The following ATG10 variants were observed in gnomAD, a reference collection of about 807,000 sequenced individuals.
ATG10 encodes the protein ubiquitin-like-conjugating enzyme ATG10.
In ATG10, 30 loss-of-function variants were observed where a neutral mutation model predicts 32.1. The ratio of observed to expected loss-of-function variants is 0.94; its 90% CI spans 0.70 to 1.27. ATG10 has a LOEUF of 1.27. ATG10 is among the 50% of genes most tolerant of loss of function. The pLI is 0.00. For missense variants in ATG10, 233 were observed against 262.3 expected, an observed-to-expected ratio of 0.89 and a Z score of 0.77; for synonymous variants, 87 against 91.5, an observed-to-expected ratio of 0.95 and a Z score of 0.28.
At chr5:82,185,872 G>T (rs1349557633) in intron 5 of ATG10, among the ~76,000 whole-genome samples, 1 of 152,116 alleles carries the variant, frequency 6.6e-6, no homozygotes, top group African/African-American at 2.4e-5. Flanking sequence ...AGTCTCCCTG[G>T]AGTCTTTAGG....
chr5:82,133,276 A>G (rs1766613735), intron 3 of ATG10, among the ~76,000 whole-genome samples: 1 of 152,062 alleles, frequency 6.6e-6, no homozygotes, highest in African/African-American at 2.4e-5. Context: ...TTTTGTTGCC[A>G]TTGCTTTTGG....
At chr5:82,248,122 T>C (rs1581847791) in intron 5 of ATG10, among the ~76,000 whole-genome samples, 1 of 152,198 alleles carries the variant, frequency 6.6e-6, no homozygotes, top group African/African-American at 2.4e-5. Flanking sequence ...CAGGCCTTCT[T>C]GTGACTCCAC....
intron 3 of ATG10, among the ~76,000 whole-genome samples, chr5:82,084,587 G>A (rs1336173685): frequency 6.6e-6 from 1 of 152,152 alleles, no homozygotes; most frequent in Non-Finnish European, 1.5e-5. Context: ...AGAGAGAAAG[G>A]TCGGGTTACC....
intron 3 of ATG10, among the ~76,000 whole-genome samples, chr5:82,095,125 GA>G (rs1180925966): frequency 6.6e-6 from 1 of 151,992 alleles, no homozygotes; most frequent in Non-Finnish European, 1.5e-5. Flanking sequence ...TAACAGAAAA[GA>G]AATCTGTATA....
chr5:82,134,016 C>T (rs909280159), intron 3 of ATG10, among the ~76,000 whole-genome samples: 5 of 133,552 alleles, frequency 3.7e-5, no homozygotes, highest in African/African-American at 1.4e-4. Flanking sequence ...ATTTGGCTCT[C>T]TGTTTGTCTG....
chr5:82,219,376 C>G (rs546523882), intron 5 of ATG10, among the ~76,000 whole-genome samples: 101 of 152,296 alleles, frequency 6.6e-4, no homozygotes, highest in Non-Finnish European at 1.0e-3. Context: ...GATGGCGGTT[C>G]CACTGATTCC....
intron 2 of ATG10, among the ~76,000 whole-genome samples, chr5:82,008,422 A>G (rs951749744): frequency 5.3e-5 from 8 of 152,166 alleles, no homozygotes; most frequent in African/African-American, 1.9e-4. Context: ...ATTGAGTGTT[A>G]TGATTTGTCA....
At chr5:82,084,634 T>A (rs1255112699) in intron 3 of ATG10, among the ~76,000 whole-genome samples, 1 of 152,160 alleles carries the variant, frequency 6.6e-6, no homozygotes, top group African/African-American at 2.4e-5. Context: ...AGCGGATCTC[T>A]CGGCAGAAAC....
At chr5:82,080,147 G>C (rs1051321505) in intron 3 of ATG10, among the ~76,000 whole-genome samples, 2 of 152,092 alleles carry the variant, frequency 1.3e-5, no homozygotes, top group African/African-American at 4.8e-5. Context: ...TGTGTCTGTT[G>C]GCTGCATAAA....
At position 81,995,422 on chromosome 5, in the gene ATG10, C is replaced by T. The variant is rs563143810; in HGVS notation, c.108+7744C>T. Among the ~76,000 whole-genome samples the T allele has an allele frequency of 2.9e-4, 44 of 152,224 alleles. No individual in the cohort carries two copies. The South Asian group carries it at 7.5e-3, about 26-fold the overall frequency. The stretch of plus-strand genomic sequence containing the variant: ...CCTCCCAAAGTGTTGGGATTACAGG[C>T]GTGAGCCACCATGCCCAGCCTGAGT... On this transcript the variant is annotated intron_variant, in intron 2 of 7. Transcript: ENST00000282185.
chr5:82,234,978 C>G lies in ATG10; in HGVS notation c.454-17584C>G, dbSNP rs78810310. ...AGCCCATAGTATGTTTGTGCTGTTC[C>G]ACTTTAATTACGCCCATCAGTTCTT... On this transcript the variant is annotated intron_variant, in intron 5 of 7. Coordinates refer to ENST00000282185, the MANE Select transcript of ATG10 (RefSeq NM_031482.5). Among the ~76,000 whole-genome samples, 13 of 152,216 alleles carry G rather than the reference C, an allele frequency of 8.5e-5. No individual in the cohort carries two copies. In the East Asian group the frequency reaches 2.5e-3, roughly 29 times the overall value.
chr5:82,175,818 A>G (rs1743993016), intron 4 of ATG10, among the ~76,000 whole-genome samples: 1 of 151,778 alleles, frequency 6.6e-6, no homozygotes, highest in Non-Finnish European at 1.5e-5. Flanking sequence ...CATAGTATGT[A>G]TCACCTCCTA....
intron 3 of ATG10, among the ~76,000 whole-genome samples, chr5:82,070,077 C>T (rs375444446): frequency 5.9e-5 from 9 of 152,284 alleles, no homozygotes; most frequent in South Asian, 4.1e-4. Flanking sequence ...TCAAGCTAAC[C>T]TCATAGGAGC....
At chr5:82,201,246 G>A (rs948069053) in intron 5 of ATG10, among the ~76,000 whole-genome samples, 4 of 152,086 alleles carry the variant, frequency 2.6e-5, no homozygotes, top group African/African-American at 7.2e-5. Context: ...TGTTTGCCTC[G>A]CCCAAGGTCA....
At chr5:82,062,997 T>A (rs944199672) in intron 3 of ATG10, among the ~76,000 whole-genome samples, 7 of 152,190 alleles carry the variant, frequency 4.6e-5, no homozygotes, top group Non-Finnish European at 1.5e-5. Context: ...GGTATGGCAA[T>A]TTGAATTTTT....
At chr5:82,248,400 C>T (rs1174233829) in intron 5 of ATG10, among the ~76,000 whole-genome samples, 2 of 152,186 alleles carry the variant, frequency 1.3e-5, no homozygotes, top group Non-Finnish European at 2.9e-5. Flanking sequence ...GTTATTGGCT[C>T]TTATGGCCAG....
chr5:81,997,262 T>C (rs1202476343), intron 2 of ATG10, among the ~76,000 whole-genome samples: 1 of 152,166 alleles, frequency 6.6e-6, no homozygotes, highest in Admixed American at 6.5e-5. Flanking sequence ...TGGCCAGTGG[T>C]CTGGGAACAC....
At position 81,972,134 on chromosome 5, in the gene ATG10, C is replaced by G. The variant is rs1760739271; in HGVS notation, c.-185C>G. ...TTGGCCTCGGGGCGCGCTGGCTCGGCTCTTCCTCCGCCCTCGAGGCCCCCG... is the reference window on the plus strand; with the variant it reads ...TTGGCCTCGGGGCGCGCTGGCTCGGGTCTTCCTCCGCCCTCGAGGCCCCCG... On this transcript the variant is annotated 5_prime_UTR_variant, in exon 1 of 8. Transcript: ENST00000282185. The G allele has an allele frequency of 6.6e-6, 1 of 152,276 alleles. No individual in the cohort carries two copies. Among genetic ancestry groups the G allele is most frequent in the Non-Finnish European group, 1.5e-5 (1 of 68,082 alleles). 9.4% of individuals were successfully genotyped at this position (152,276 alleles called of 1,614,324 possible).
intron 5 of ATG10, among the ~76,000 whole-genome samples, chr5:82,219,305 T>C (rs1051379547): frequency 3.3e-5 from 5 of 152,206 alleles, no homozygotes; most frequent in Admixed American, 6.5e-5. Context: ...TTTTCCATGA[T>C]TGATGCTTTA....
Sources: allele counts gnomAD v4.1 joint callset (sites outside exome capture counted in the v4.1 genomes callset), GRCh38; gene constraint gnomAD v4.1.1; transcripts MANE v1.5; gene names NCBI Gene and HGNC (gene_info 2026-07-23, HGNC 2026-07-21).